The following EPB41L1 variants were observed in gnomAD, a reference collection of about 807,000 sequenced individuals.
The protein encoded by EPB41L1 is erythrocyte membrane protein band 4.1 like 1.
In EPB41L1, 29 loss-of-function variants were observed where a neutral mutation model predicts 97.8. That is an observed-to-expected ratio of 0.30 (90% CI 0.22 to 0.40). EPB41L1 has a LOEUF of 0.40. Among genes scored for constraint, EPB41L1 ranks in the 10% least tolerant of loss-of-function variants. The pLI is 1.00. For missense variants in EPB41L1, 812 were observed against 1,162.3 expected, an observed-to-expected ratio of 0.70 and a Z score of 4.38; for synonymous variants, 383 against 459.2, an observed-to-expected ratio of 0.83 and a Z score of 2.12.
chr20:36,170,685 A>G (rs1017426446), intron 1 of EPB41L1, among the ~76,000 whole-genome samples: 3 of 152,188 alleles, frequency 2.0e-5, no homozygotes, highest in Non-Finnish European at 2.9e-5. Flanking sequence ...ACCTAGAGTT[A>G]GGATCTGGGG....
At chr20:36,170,189 T>C (rs1238673575) in intron 1 of EPB41L1, among the ~76,000 whole-genome samples, 1 of 152,170 alleles carries the variant, frequency 6.6e-6, no homozygotes, top group Non-Finnish European at 1.5e-5. Flanking sequence ...TTTTAAAAGG[T>C]TTAAACAGAT....
chr20:36,094,459 G>A (rs2057765827), intron 1 of EPB41L1, among the ~76,000 whole-genome samples: 1 of 152,184 alleles, frequency 6.6e-6, no homozygotes, highest in South Asian at 2.1e-4. Context: ...GAGAAGTAGA[G>A]TCTTATAGGA....
Position 36,189,124 on chromosome 20 carries a change from G to A in EPB41L1, c.1026+625G>A, listed in dbSNP as rs550200293. On this transcript the variant is annotated intron_variant, in intron 9 of 21. Coordinates refer to ENST00000338074, the MANE Select transcript of EPB41L1 (RefSeq NM_012156.2). ...TCTCACCCATCAAAAAGCCCATTTG[G>A]TTGTACCTGTAGAATAAACATGAAC... Among the ~76,000 whole-genome samples, 5 of 152,042 alleles carry A rather than the reference G, an allele frequency of 3.3e-5. No homozygotes were observed. The East Asian group carries it at 7.7e-4, about 24-fold the overall frequency.
intron 14 of EPB41L1, among the ~76,000 whole-genome samples, chr20:36,199,845 G>A (rs1047972726): frequency 6.6e-6 from 1 of 152,168 alleles, no homozygotes; most frequent in African/African-American, 2.4e-5. Context: ...AAGAGAAGGG[G>A]AGGATGAGCC....
In EPB41L1 at chr20:36,190,926, G is replaced by C. The variant is rs1454995343; in HGVS notation, c.1300+129G>C. 1 of 1,320,074 alleles carries C rather than the reference G, an allele frequency of 7.6e-7. No individual in the cohort carries two copies. The highest frequency in any genetic ancestry group is 1.1e-6 in the Non-Finnish European group (1 of 951,002). The allele number at this position is 1,320,074 out of a possible 1,614,324, so 81.8% of individuals were successfully genotyped here. A position where few individuals can be genotyped will look rare whatever the true frequency, so the allele number is the denominator to read the frequency against. On this transcript the variant is annotated intron_variant, in intron 11 of 21. Transcript: ENST00000338074. The surrounding 1 kb of genome is among the most constrained non-coding windows in gnomAD (Gnocchi z 5.8). ...TCCCAAGTTCATCTGCACCAGGCTG[G>C]CCCCTCAAGACCAGTGCTGTCCCTG...
In EPB41L1 at chr20:36,093,339, G is replaced by A. The variant is rs2057719400; in HGVS notation, c.-65+1727G>A. Among the ~76,000 whole-genome samples the A allele has an allele frequency of 6.6e-6, 1 of 151,802 alleles. No individual in the cohort carries two copies. The highest frequency in any genetic ancestry group is 1.5e-5 in the Non-Finnish European group (1 of 67,874). On this transcript the variant is annotated intron_variant, in intron 1 of 19. Transcript: ENST00000202028. The surrounding 1 kb of genome is among the most constrained non-coding windows in gnomAD (Gnocchi z 5.4). ...CGGGTGTGGGTGTGTGTGTGCGCGC[G>A]CGTCGCTGTGTGCGCGCCAGTGTAA...
chr20:36,180,402 C>T (rs2061429064), intron 5 of EPB41L1, among the ~76,000 whole-genome samples: 1 of 152,190 alleles, frequency 6.6e-6, no homozygotes, highest in South Asian at 2.1e-4. Context: ...ACAAGCTTTC[C>T]ACCCCTCTGG....
chr20:36,220,328 G>A (rs2063710189), intron 19 of EPB41L1, among the ~76,000 whole-genome samples: 2 of 152,254 alleles, frequency 1.3e-5, no homozygotes, highest in South Asian at 4.1e-4. Flanking sequence ...GCAGATGTTA[G>A]TGAGTGTCAA....
At chr20:36,166,985 G>T (rs956228792) in intron 1 of EPB41L1, among the ~76,000 whole-genome samples, 2 of 152,190 alleles carry the variant, frequency 1.3e-5, no homozygotes, top group African/African-American at 2.4e-5. Context: ...GCACAACATT[G>T]TGAATGTAAT....
rs1305106268 is a variant in EPB41L1 at position 36,190,420 on chromosome 20, T to A, written c.1124+46T>A. 6.3e-7 allele frequency: 1 copy of A among 1,597,956 alleles called. No individual in the cohort carries two copies. Among genetic ancestry groups the A allele is most frequent in the East Asian group, 2.2e-5 (1 of 44,714 alleles). On this transcript the variant is annotated intron_variant, in intron 10 of 21. Coordinates refer to ENST00000338074, the MANE Select transcript of EPB41L1 (RefSeq NM_012156.2). This position sits in a 1 kb window ranked among gnomAD's most constrained non-coding sequence, Gnocchi z 5.8. ...GGTAATGGGGATGGGGCAGAGGCCA[T>A]GTGTATGGAGGGGAGCAGGGGGAGG...
chr20:36,169,668 C>T (rs60263574), intron 1 of EPB41L1, among the ~76,000 whole-genome samples: 7,290 of 152,304 alleles, frequency 0.048, 189 homozygotes, highest in Middle Eastern at 0.075. Context: ...CATTTGCCCA[C>T]ATGGTGACTC....
intron 14 of EPB41L1, among the ~76,000 whole-genome samples, chr20:36,202,680 G>A (rs2062561353): frequency 6.6e-6 from 1 of 151,842 alleles, no homozygotes; most frequent in African/African-American, 2.4e-5. Flanking sequence ...GGGCGTGGTG[G>A]CGCGTGCCTG....
chr20:36,177,689 G>A (rs1569216739), intron 3 of EPB41L1, among the ~76,000 whole-genome samples: 1 of 152,186 alleles, frequency 6.6e-6, no homozygotes, highest in Non-Finnish European at 1.5e-5. Flanking sequence ...TTCCACTTCA[G>A]CTTCTCCCCA....
intron 1 of EPB41L1, among the ~76,000 whole-genome samples, chr20:36,102,036 C>CAAAACAAAACAAAACAAAACA (rs145505987): frequency 6.7e-6 from 1 of 148,724 alleles, no homozygotes; most frequent in African/African-American, 2.5e-5. Context: ...CAAAACAAAA[C>CAAAACAAAACAAAACAAAACA]AAAAAAAACA....
In EPB41L1 at chr20:36,190,522, A is replaced by G. The variant is rs2061900533; in HGVS notation, c.1125-100A>G. 4.5e-6 allele frequency: 7 copies of G among 1,557,496 alleles called. No homozygotes were observed. Among genetic ancestry groups the G allele is most frequent in the Non-Finnish European group, 6.2e-6 (7 of 1,135,404 alleles). ...TTCCTGGACCACTTTGAATTGTTGT[A>G]GTTGGTGGAGTAGTGGGATGAAAGG... On this transcript the variant is annotated intron_variant, in intron 10 of 21. Coordinates refer to ENST00000338074, the MANE Select transcript of EPB41L1 (RefSeq NM_012156.2). This position sits in a 1 kb window ranked among gnomAD's most constrained non-coding sequence, Gnocchi z 5.8.
At chr20:36,173,155 C>G (rs1349877784) in intron 1 of EPB41L1, among the ~76,000 whole-genome samples, 1 of 152,208 alleles carries the variant, frequency 6.6e-6, no homozygotes, top group Non-Finnish European at 1.5e-5. Context: ...GGGACTGAGC[C>G]TGTTCTTTTG....
chr20:36,132,179 C>T (rs1209042934), intron 2 of EPB41L1, among the ~76,000 whole-genome samples: 1 of 152,162 alleles, frequency 6.6e-6, no homozygotes, highest in Non-Finnish European at 1.5e-5. Context: ...CTTAAAACAA[C>T]ACAAATGGAT....
intron 1 of EPB41L1, among the ~76,000 whole-genome samples, chr20:36,103,252 C>A (rs1181784086): frequency 1.3e-5 from 2 of 152,222 alleles, no homozygotes; most frequent in Non-Finnish European, 2.9e-5. Flanking sequence ...TTCTTTGCTT[C>A]CCAGCACCTA....
chr20:36,111,765 C>T (rs1405738707), intron 1 of EPB41L1, among the ~76,000 whole-genome samples: 5 of 135,486 alleles, frequency 3.7e-5, no homozygotes, highest in Non-Finnish European at 4.5e-5. Context: ...CCAGCCTGGG[C>T]GACAGAGCGA....
Sources: allele counts gnomAD v4.1 joint callset (sites outside exome capture counted in the v4.1 genomes callset), GRCh38; gene constraint gnomAD v4.1.1; non-coding constraint Gnocchi (gnomAD v3.1); transcripts MANE v1.5; gene names NCBI Gene and HGNC (gene_info 2026-07-23, HGNC 2026-07-21).